WFDC1: variants seen among roughly 807,000 people sequenced by gnomAD.
WFDC1 encodes WAP four-disulfide core domain 1.
WFDC1 carries 39 observed loss-of-function variants against 32.9 expected under a neutral mutation model. The ratio of observed to expected loss-of-function variants is 1.19; its 90% CI spans 0.92 to 1.55. The LOEUF (loss-of-function observed/expected upper bound fraction) is 1.55, where lower values mean the gene tolerates loss of function less well. WFDC1 is among the 40% of genes most tolerant of loss of function. The pLI is 0.00. For synonymous variants in WFDC1, 184 were observed against 137.4 expected (o/e 1.34, Z -2.37); for missense variants, 386 against 309.5 (o/e 1.25, Z -1.85).
At chr16:84,318,160 C>G in intron 2 of WFDC1, 112 bp from the exon 3 acceptor site, 7 of 918,036 alleles carry the variant, frequency 7.6e-6, no homozygotes, top group Non-Finnish European at 1.2e-5. Context: ...ATAGTTATTT[C>G]TCCCATGGGG....
chr16:84,319,852 T>C (rs1166361798), intron 4 of WFDC1, among the ~76,000 whole-genome samples: 1 of 152,196 alleles, frequency 6.6e-6, no homozygotes, highest in Non-Finnish European at 1.5e-5. Context: ...AATTTCTTCC[T>C]ATCTCTGAGC....
At chr16:84,307,933 T>A (rs1321557486) in intron 1 of WFDC1, among the ~76,000 whole-genome samples, 1 of 151,288 alleles carries the variant, frequency 6.6e-6, no homozygotes, top group African/African-American at 2.5e-5. Context: ...AAAGGGGTGA[T>A]AAAAGGTGAT....
intron 1 of WFDC1, chr16:84,297,117 A>T (rs1178999982): frequency 1.3e-5 from 2 of 152,082 alleles, no homozygotes; most frequent in East Asian, 3.9e-4. Flanking sequence ...TCCACATAGG[A>T]GGGTCAGGGT....
chr16:84,319,975 G>A (rs8055311), intron 4 of WFDC1, among the ~76,000 whole-genome samples: 8,838 of 152,270 alleles, frequency 0.058, 465 homozygotes, highest in African/African-American at 0.14. Context: ...TGGTCAGTAA[G>A]CACTGGATGT....
intron 2 of WFDC1, chr16:84,316,820 A>G (rs1429957032): frequency 6.6e-6 from 1 of 152,102 alleles, no homozygotes; most frequent in Non-Finnish European, 1.5e-5. Context: ...TCTACTAAAA[A>G]TACAAAAATT....
chr16:84,319,787 G>C (rs574920064), intron 4 of WFDC1, among the ~76,000 whole-genome samples: 1 of 152,274 alleles, frequency 6.6e-6, no homozygotes, highest in Non-Finnish European at 1.5e-5. Context: ...TCTTGAGCCA[G>C]CAGACTGGCT....
intron 1 of WFDC1, among the ~76,000 whole-genome samples, chr16:84,307,198 G>A (rs1907315646): frequency 6.6e-6 from 1 of 152,156 alleles, no homozygotes; most frequent in East Asian, 1.9e-4. Flanking sequence ...CAAGAACCTT[G>A]GCTGTTAACT....
intron 1 of WFDC1, among the ~76,000 whole-genome samples, chr16:84,305,499 C>T (rs975781980): frequency 3.9e-5 from 6 of 152,196 alleles, no homozygotes; most frequent in South Asian, 4.1e-4. Context: ...GTGGGTTTCT[C>T]GTACGTGTAT....
intron 1 of WFDC1, among the ~76,000 whole-genome samples, chr16:84,304,973 G>C (rs951533385): frequency 6.6e-6 from 1 of 152,218 alleles, no homozygotes; most frequent in East Asian, 1.9e-4. Context: ...CCAGTTCCAG[G>C]CTCCTGGGTC....
rs753181695 is a variant in WFDC1, at chr16:84,322,150, T to TGTGTGC, written c.563-2264_563-2263insCGTGTG. On this transcript the variant is annotated intron_variant, in intron 4 of 6. Coordinates refer to ENST00000219454, the MANE Select transcript of WFDC1 (RefSeq NM_021197.4). ...CTGTCCACCAGCCTCAGAGCCTGTG[T>TGTGTGC]GTGTGTGTGCGTGTGTGTGTGTGTG... 2.9e-5 allele frequency among the ~76,000 whole-genome samples: 3 copies of TGTGTGC among 104,862 alleles called. No individual in the cohort carries two copies. The South Asian group carries it at 9.5e-4, about 33-fold the overall frequency. 68.8% of individuals were successfully genotyped at this position (104,862 alleles called of 152,430 possible).
chr16:84,296,200 G>A (rs369845881), intron 1 of WFDC1, among the ~76,000 whole-genome samples: 40 of 152,334 alleles, frequency 2.6e-4, no homozygotes, highest in East Asian at 1.5e-3. Flanking sequence ...AGGATTGAAT[G>A]TCTCAGTATG....
At chr16:84,324,302 G>A in intron 4 of WFDC1, 117 bp from the exon 5 acceptor site, 2 of 883,518 alleles carry the variant, frequency 2.3e-6, no homozygotes, top group South Asian at 1.5e-5. Context: ...CAATTCCATT[G>A]TACACTAGTG....
At chr16:84,308,657 TCCTGAGTGTAGACACCAG>T in intron 1 of WFDC1, among the ~76,000 whole-genome samples, 1 of 151,726 alleles carries the variant, frequency 6.6e-6, no homozygotes, top group African/African-American at 2.4e-5. Flanking sequence ...GTACACTCCA[TCCTGAGTGTAGACACCAG>T]CCTGGGTGTA....
At chr16:84,319,673 C>T (rs1290147236) in intron 4 of WFDC1, 102 bp downstream of exon 4, 2 of 1,490,526 alleles carry the variant, frequency 1.3e-6, no homozygotes, top group Non-Finnish European at 1.8e-6. Context: ...GGAAGCAGCC[C>T]CAGCACCTGG....
chr16:84,300,055 T>A lies in WFDC1; in HGVS notation c.144+4940T>A, dbSNP rs1011718656. On this transcript the variant is annotated intron_variant, in intron 1 of 6. Transcript: ENST00000219454. ...CTCTTGAGAGCCTTCCAAACATCCT[T>A]TTATTTTTTGCTGAGATAGCAAGAG... is the stretch of plus-strand genomic sequence containing the variant. 2.0e-5 allele frequency among the ~76,000 whole-genome samples: 3 copies of A among 152,202 alleles called. No individual in the cohort carries two copies. In the East Asian group the frequency reaches 5.8e-4, roughly 29 times the overall value.
chr16:84,311,256 T>G (rs2151374399), intron 1 of WFDC1, among the ~76,000 whole-genome samples: 1 of 151,238 alleles, frequency 6.6e-6, no homozygotes, highest in African/African-American at 2.4e-5. Context: ...TATCTTTTTT[T>G]TTTTTGGAGA....
intron 1 of WFDC1, among the ~76,000 whole-genome samples, chr16:84,305,182 A>C (rs1320621319): frequency 2.0e-5 from 3 of 152,276 alleles, no homozygotes; most frequent in African/African-American, 7.2e-5. Flanking sequence ...ATTGGCACAC[A>C]GTAAGAGCTT....
At position 84,309,353 on chromosome 16, in the gene WFDC1, C is replaced by T. The variant is rs199616732; in HGVS notation, c.145-3608C>T. ...ACTTTGTCCCGAGGGTGCTGGGAAG[C>T]CTCTGGGGCCTTGGAGCACAGAGGT... is the stretch of plus-strand genomic sequence containing the variant. On this transcript the variant is annotated intron_variant, in intron 1 of 6. Coordinates refer to ENST00000219454, the MANE Select transcript of WFDC1 (RefSeq NM_021197.4). Among the ~76,000 whole-genome samples, 8 of 152,220 alleles carry T rather than the reference C, an allele frequency of 5.3e-5. No homozygotes were observed. In the East Asian group the frequency reaches 1.5e-3, roughly 29 times the overall value.
At chr16:84,311,610 C>T (rs1302481066) in intron 1 of WFDC1, among the ~76,000 whole-genome samples, 1 of 146,144 alleles carries the variant, frequency 6.8e-6, no homozygotes, top group Non-Finnish European at 1.5e-5. Context: ...CTCACTGCAG[C>T]CTTGACCTCC....
Sources: gnomAD v4.1 joint callset for allele counts (sites outside exome capture counted in the v4.1 genomes callset) on GRCh38, gnomAD v4.1.1 for gene constraint, MANE v1.5 for transcripts, NCBI Gene and HGNC (gene_info 2026-07-23, HGNC 2026-07-21) for gene names.